Variants in CSHL1 observed in about 807,000 individuals in gnomAD.
The protein encoded by CSHL1 is chorionic somatomammotropin hormone like 1.
Under a neutral mutation model 24.3 loss-of-function variants are expected in CSHL1, and 25 were observed. That is an observed-to-expected ratio of 1.03 (90% CI 0.75 to 1.44). CSHL1 has a LOEUF of 1.44. Among genes scored for constraint, CSHL1 ranks in the 40% most tolerant of loss-of-function variants. CSHL1 has a pLI of 0.00. For synonymous variants in CSHL1, 157 were observed against 115.6 expected (o/e 1.36, Z -2.30); for missense variants, 342 against 279.3 (o/e 1.22, Z -1.60).
chr17:63,910,216 G>T lies in CSHL1; in HGVS notation c.417C>A (p.Ser139Arg). Residue 139 changes from serine (S) to arginine (R), a missense_variant, in exon 4 of 5, where the codon AGC (serine) becomes AGA (arginine). Coordinates refer to ENST00000309894, the MANE Select transcript of CSHL1 (RefSeq NM_022579.3). Reference protein sequence around the residue: ...TNNLVYDTSDSDDYHLLKDLE... With the variant: ...TNNLVYDTSDRDDYHLLKDLE... ...GGTCCTTTAGGAGGTGATAGTCATCGCTGTCCGAGGTGTCATACACCAGGT... is the reference window on the plus strand; with the variant it reads ...GGTCCTTTAGGAGGTGATAGTCATCTCTGTCCGAGGTGTCATACACCAGGT... The T allele has an allele frequency of 1.2e-6, 2 of 1,613,472 alleles. No homozygotes were observed. Among genetic ancestry groups the T allele is most frequent in the Admixed American group, 1.7e-5 (1 of 59,972 alleles).
chr17:63,910,719 C>T lies in CSHL1; in HGVS notation c.190+26G>A, dbSNP rs752956241. 5.0e-6 allele frequency: 8 copies of T among 1,614,208 alleles called. No homozygotes were observed. In the East Asian group the frequency reaches 1.8e-4, roughly 36 times the overall value. ...TACTTCCCCAGTGGGGGAAAGTCAC[C>T]CCTTCTTGCCACCCCTGACCCGCAC... is the stretch of plus-strand genomic sequence containing the variant. On this transcript the variant is annotated intron_variant, in intron 2 of 4. Coordinates refer to ENST00000309894, the MANE Select transcript of CSHL1 (RefSeq NM_022579.3).
intron 1 of CSHL1, 60 bp from the exon 2 acceptor site, chr17:63,910,984 G>C: frequency 1.2e-6 from 2 of 1,612,032 alleles, no homozygotes; most frequent in Non-Finnish European, 1.7e-6. Context: ...CACTCTCCCT[G>C]TTCCAGGAGC....
Position 63,910,031 on chromosome 17 carries a change from G to C in CSHL1, c.472-123C>G, listed in dbSNP as rs189440194. 986 of 1,613,960 alleles carry C rather than the reference G, an allele frequency of 6.1e-4. 7 individuals are homozygous for C. The African/African-American group carries it at 0.012, about 19-fold the overall frequency. The stretch of plus-strand genomic sequence containing the variant: ...AGAAAGGCCTGGAGGATTCACGAGG[G>C]GAAATGAAGAATAAGGTGAGTTCTC... On this transcript the variant is annotated intron_variant, in intron 4 of 4. Coordinates refer to ENST00000309894, the MANE Select transcript of CSHL1 (RefSeq NM_022579.3).
At position 63,909,804 on chromosome 17, in the gene CSHL1, C is replaced by T. The variant is rs1906707952; in HGVS notation, c.576G>A (p.Gly192=). The T allele has an allele frequency of 1.2e-6, 2 of 1,613,878 alleles. No homozygotes were observed. The highest frequency in any genetic ancestry group is 2.2e-5 in the South Asian group (2 of 91,072). The stretch of plus-strand genomic sequence containing the variant: ...TGTCCTTCCTGAAGCAGTGGAGCAG[C>T]CCGTAGTTCTTGAGCAGTGCGTCAT... The part of the protein sequence containing the change: ...HNHDALLKNY[G]LLHCFRKDMD... Residue 192 remains glycine, a synonymous_variant, in exon 5 of 5, where the codon GGG becomes GGA. Coordinates refer to ENST00000309894, the MANE Select transcript of CSHL1 (RefSeq NM_022579.3).
chr17:63,910,458 G>T lies in CSHL1; in HGVS notation c.268C>A (p.Pro90Thr). 1.9e-6 allele frequency: 3 copies of T among 1,614,196 alleles called. No individual in the cohort carries two copies. The highest frequency in any genetic ancestry group is 2.5e-6 in the Non-Finnish European group (3 of 1,180,030). Residue 90 changes from proline (P) to threonine (T), a missense_variant, in exon 3 of 5, where the codon CCG (proline) becomes ACG (threonine). Pro to Thr is a conservative substitution (Grantham distance 38). Transcript: ENST00000309894. ...QTSFCFSDSIPTSSNMEETQQ... is the reference protein window; with the variant it reads ...QTSFCFSDSITTSSNMEETQQ... ...GTTTCCTCCATGTTGGAGGATGTCG[G>T]AATAGAGTCTGAGAAGCAGAAGGAG...
chr17:63,910,194 C>T lies in CSHL1; in HGVS notation c.439G>A (p.Asp147Asn). The T allele has an allele frequency of 6.2e-7, 1 of 1,614,162 alleles. No individual in the cohort carries two copies. The highest frequency in any genetic ancestry group is 1.6e-4 in the Middle Eastern group (1 of 6,062). Reference protein sequence around the residue: ...SDSDDYHLLKDLEEGIQMLMG... With the variant: ...SDSDDYHLLKNLEEGIQMLMG... ...AGCATTTGGATGCCTTCCTCTAGGT[C>T]CTTTAGGAGGTGATAGTCATCGCTG... The change falls in exon 4 of 5, where the codon GAC (aspartate) becomes AAC (asparagine). Residue 147 changes from aspartate to asparagine, a missense_variant. By Grantham distance (23) the Asp-to-Asn change is conservative. Coordinates refer to ENST00000309894, the MANE Select transcript of CSHL1 (RefSeq NM_022579.3).
rs61762512 is a variant in CSHL1, at chr17:63,910,253, G to T, written c.380C>A (p.Thr127Asn). ...GTCATACACCAGGTTGTTGGTGAAG[G>T]TACTCCTGAGGAACCGCACGGGCTC... ...RLEPVRFLRS[T>N]FTNNLVYDTS... The change falls in exon 4 of 5, where the codon ACC becomes AAC. Residue 127 changes from threonine to asparagine, a missense_variant. By Grantham distance (65) the Thr-to-Asn change is moderately conservative. Transcript: ENST00000309894. 1 of 1,614,074 alleles carries T rather than the reference G, an allele frequency of 6.2e-7. No individual in the cohort carries two copies. Among genetic ancestry groups the T allele is most frequent in the East Asian group, 2.2e-5 (1 of 44,876 alleles).
chr17:63,911,251 G>A lies in CSHL1; in HGVS notation c.-55C>T. ...TGAGTGGTGCGGGGAGTCGGGCCTT[G>A]GGATGCTGGAGCTGGTCTCTTGTGG... On this transcript the variant is annotated 5_prime_UTR_variant, in exon 1 of 5. Coordinates refer to ENST00000309894, the MANE Select transcript of CSHL1 (RefSeq NM_022579.3). 6.2e-7 allele frequency: 1 copy of A among 1,613,936 alleles called. No individual in the cohort carries two copies.
chr17:63,910,632 A>G (rs372279315), intron 2 of CSHL1, 97 bp from the exon 3 acceptor site: 3 of 1,614,002 alleles, frequency 1.9e-6, no homozygotes, highest in South Asian at 1.1e-5. Flanking sequence ...GGCTCAGCCT[A>G]TGCTCATCTG....
rs199647188 is a variant in CSHL1 at position 63,910,799 on chromosome 17, C to G, written c.136G>C (p.Ala46Pro). 6 of 1,614,196 alleles carry G rather than the reference C, an allele frequency of 3.7e-6. No individual in the cohort carries two copies. Among genetic ancestry groups the G allele is most frequent in the African/African-American group, 2.7e-5 (2 of 75,040 alleles). The change falls in exon 2 of 5, where the codon GCA (alanine) becomes CCA (proline). Residue 46 changes from alanine to proline, a missense_variant. Ala to Pro is a conservative substitution (Grantham distance 27). Transcript: ENST00000309894. Reference protein sequence around the residue: ...FKEAMLQAHRAHQLAIDTYQE... With the variant: ...FKEAMLQAHRPHQLAIDTYQE... ...TAGGTGTCAATGGCCAGCTGGTGTG[C>G]GCGATGGGCTTGGAGCATAGCCTCT...
At position 63,910,914 on chromosome 17, in the gene CSHL1, C is replaced by T. The variant is rs200172878; in HGVS notation, c.21G>A (p.Thr7=). Residue 7 remains threonine (T), a synonymous_variant, in exon 2 of 5, where the codon ACG becomes ACA. Coordinates refer to ENST00000309894, the MANE Select transcript of CSHL1 (RefSeq NM_022579.3). ...GCAGGGCAAAAGCCAGGAGCAGGGA[C>T]GTCCGGGAGCCTGGGGAGAAACCGG... MAAGSR[T]SLLLAFALLC... 154 of 1,613,922 alleles carry T rather than the reference C, an allele frequency of 9.5e-5. 2 individuals are homozygous for T. Among genetic ancestry groups the T allele is most frequent in the East Asian group, 6.9e-4 (31 of 44,884 alleles).
Position 63,909,682 on chromosome 17 carries a change from G to A in CSHL1, c.*29C>T. ...CCTTCAGGGCCAGGAGAGGCACTGGGGAGGGGTCACAGGATGCCACGCGGG... is the reference window on the plus strand; with the variant it reads ...CCTTCAGGGCCAGGAGAGGCACTGGAGAGGGGTCACAGGATGCCACGCGGG... On this transcript the variant is annotated 3_prime_UTR_variant, in exon 5 of 5. Transcript: ENST00000309894. 2 of 1,614,102 alleles carry A rather than the reference G, an allele frequency of 1.2e-6. No homozygotes were observed. Among genetic ancestry groups the A allele is most frequent in the Non-Finnish European group, 8.5e-7 (1 of 1,180,022 alleles).
In CSHL1 at chr17:63,911,189, G is replaced by T. The variant is rs2144723953; in HGVS notation, c.8C>A (p.Ala3Glu). The T allele has an allele frequency of 6.2e-7, 1 of 1,613,898 alleles. No homozygotes were observed. Among genetic ancestry groups the T allele is most frequent in the East Asian group, 2.2e-5 (1 of 44,888 alleles). The change falls in exon 1 of 5, where the codon GCA (alanine) becomes GAA (glutamate). Residue 3 changes from alanine to glutamate, a missense_variant and splice_region_variant. Physicochemically the swap from Ala to Glu is moderately radical, Grantham distance 107. Transcript: ENST00000309894. Reference sequence around the variant, plus strand: ...AAAGGGATTTTAGGGGCGCTTACCTGCAGCCATTGCCGCTAGGTGAGCTGT... The same window carrying T: ...AAAGGGATTTTAGGGGCGCTTACCTTCAGCCATTGCCGCTAGGTGAGCTGT... MA[A>E]GSRTSLLLAF...
Position 63,910,554 on chromosome 17 carries a change from C to T in CSHL1, c.191-19G>A. ...TAGGCTTCTTCCTAGGGGAAGGACC[C>T]CCCACCAAGAAGGACCACTGCTTTC... On this transcript the variant is annotated intron_variant, in intron 2 of 4. Coordinates refer to ENST00000309894, the MANE Select transcript of CSHL1 (RefSeq NM_022579.3). The T allele has an allele frequency of 6.2e-7, 1 of 1,614,164 alleles. No homozygotes were observed. Among genetic ancestry groups the T allele is most frequent in the African/African-American group, 1.3e-5 (1 of 75,046 alleles).
rs769466880 is a variant in CSHL1, at chr17:63,910,514, T to C, written c.212A>G (p.Gln71Arg). ...WGMEAYITKE[Q>R]KYSFLHDSQT... is the part of the protein sequence containing the mutation. Reference sequence around the variant, plus strand: ...GGAGTCATGCAGGAATGAATACTTCTGTTCCTTTGTGATATAGGCTTCTTC... The same window carrying C: ...GGAGTCATGCAGGAATGAATACTTCCGTTCCTTTGTGATATAGGCTTCTTC... Residue 71 changes from glutamine (Q) to arginine (R), a missense_variant, in exon 3 of 5, where the codon CAG becomes CGG. Transcript: ENST00000309894. 5.6e-6 allele frequency: 9 copies of C among 1,614,224 alleles called. No homozygotes were observed. Among genetic ancestry groups the C allele is most frequent in the South Asian group, 5.5e-5 (5 of 91,080 alleles).
chr17:63,910,609 C>T (rs762172368), intron 2 of CSHL1, 74 bp from the exon 3 acceptor site: 14 of 1,614,024 alleles, frequency 8.7e-6, no homozygotes, highest in African/African-American at 2.7e-5. Context: ...CACTGTTACT[C>T]TTCTGGGAAC....
At position 63,910,277 on chromosome 17, in the gene CSHL1, T is replaced by G; in HGVS notation, c.356A>C (p.Glu119Ala). The change falls in exon 4 of 5, where the codon GAG becomes GCG. Residue 119 changes from glutamate (E) to alanine (A), a missense_variant. Glu to Ala is a moderately radical substitution (Grantham distance 107, BLOSUM62 -1). Coordinates refer to ENST00000309894, the MANE Select transcript of CSHL1 (RefSeq NM_022579.3). Reference protein sequence around the residue: ...ISLLLIESRLEPVRFLRSTFT... With the variant: ...ISLLLIESRLAPVRFLRSTFT... ...GGTACTCCTGAGGAACCGCACGGGC[T>G]CCAGCCGCGACTCGATGAGCAGCAG... The G allele has an allele frequency of 6.2e-7, 1 of 1,613,828 alleles. No individual in the cohort carries two copies. Among genetic ancestry groups the G allele is most frequent in the Middle Eastern group, 1.7e-4 (1 of 6,054 alleles).
At position 63,910,880 on chromosome 17, in the gene CSHL1, G is replaced by T; in HGVS notation, c.55C>A (p.Pro19Thr). 3 of 1,614,178 alleles carry T rather than the reference G, an allele frequency of 1.9e-6. No homozygotes were observed. The highest frequency in any genetic ancestry group is 3.3e-4 in the Middle Eastern group (2 of 6,060). The stretch of plus-strand genomic sequence containing the variant: ...ACGGCACCAGCCTCTTGAAGCCAGG[G>T]CAGGCAGAGCAGGGCAAAAGCCAGG... ...LLLAFALLCL[P>T]WLQEAGAVQT... is the part of the protein sequence containing the mutation. Residue 19 changes from proline to threonine, a missense_variant, in exon 2 of 5, where the codon CCC becomes ACC. Coordinates refer to ENST00000309894, the MANE Select transcript of CSHL1 (RefSeq NM_022579.3).
Position 63,910,220 on chromosome 17 carries a change from T to C in CSHL1, c.413A>G (p.Asp138Gly), listed in dbSNP as rs1225947612. The change falls in exon 4 of 5, where the codon GAC (aspartate) becomes GGC (glycine). Residue 138 changes from aspartate to glycine, a missense_variant. By Grantham distance (94) the Asp-to-Gly change is moderately conservative. Transcript: ENST00000309894. ...CTTTAGGAGGTGATAGTCATCGCTG[T>C]CCGAGGTGTCATACACCAGGTTGTT... ...FTNNLVYDTS[D>G]SDDYHLLKDL... 1.2e-6 allele frequency: 2 copies of C among 1,614,042 alleles called. No individual in the cohort carries two copies. The highest frequency in any genetic ancestry group is 2.2e-5 in the East Asian group (1 of 44,876).
Sources: allele counts gnomAD v4.1 joint callset, GRCh38; gene constraint gnomAD v4.1.1; transcripts MANE v1.5; gene names NCBI Gene and HGNC (gene_info 2026-07-23, HGNC 2026-07-21).